The following OMA1 variants were observed in gnomAD, a reference collection of about 807,000 sequenced individuals.
OMA1 encodes metalloendopeptidase OMA1, mitochondrial.
OMA1 carries 38 observed loss-of-function variants against 30.9 expected under a neutral mutation model. That is an observed-to-expected ratio of 1.23 (90% CI 0.95 to 1.61). The LOEUF (loss-of-function observed/expected upper bound fraction) is 1.61, where lower values mean the gene tolerates loss of function less well. OMA1 is among the 40% of genes most tolerant of loss of function. The pLI, the probability that OMA1 is intolerant of heterozygous loss-of-function variation, is 0.00. For synonymous variants in OMA1, 173 were observed against 121.9 expected, an observed-to-expected ratio of 1.42 and a Z score of -2.76; for missense variants, 461 against 349.2, an observed-to-expected ratio of 1.32 and a Z score of -2.55.
At chr1:58,536,200 G>A (rs942519066) in intron 3 of OMA1, among the ~76,000 whole-genome samples, 1 of 152,160 alleles carries the variant, frequency 6.6e-6, no homozygotes, top group African/African-American at 2.4e-5. Flanking sequence ...CAGTCGGTAT[G>A]AAGGATACCT....
intron 8 of OMA1, among the ~76,000 whole-genome samples, chr1:58,504,281 A>G (rs1645952147): frequency 6.6e-6 from 1 of 152,102 alleles, no homozygotes; most frequent in Non-Finnish European, 1.5e-5. Context: ...TACTCCATTC[A>G]GCCCCAATGT....
intron 8 of OMA1, among the ~76,000 whole-genome samples, chr1:58,487,058 T>C (rs536830786): frequency 6.6e-5 from 10 of 152,314 alleles, no homozygotes; most frequent in East Asian, 5.8e-4. Flanking sequence ...TGGCTACATA[T>C]TGAAAATAGG....
chr1:58,502,844 A>T (rs1645927987), intron 8 of OMA1, among the ~76,000 whole-genome samples: 1 of 152,220 alleles, frequency 6.6e-6, no homozygotes, highest in African/African-American at 2.4e-5. Context: ...AATTGAATTT[A>T]ATCACTTGGG....
rs537643883 is a variant in OMA1 at position 58,507,512 on chromosome 1, C to T, written c.1216-1303G>A. Reference sequence around the variant, plus strand: ...TTTAAAGAAATATAATTCCTTAAGACCTCTGAGTATTCTAAGTTGAAAAGA... The same window carrying T: ...TTTAAAGAAATATAATTCCTTAAGATCTCTGAGTATTCTAAGTTGAAAAGA... On this transcript the variant is annotated intron_variant, in intron 7 of 8. Transcript: ENST00000371226. Among the ~76,000 whole-genome samples, 3 of 151,946 alleles carry T rather than the reference C, an allele frequency of 2.0e-5. No homozygotes were observed. The East Asian group carries it at 5.8e-4, about 29-fold the overall frequency.
At chr1:58,517,017 G>A (rs775857211) in intron 7 of OMA1, among the ~76,000 whole-genome samples, 4 of 152,116 alleles carry the variant, frequency 2.6e-5, no homozygotes, top group African/African-American at 7.2e-5. Flanking sequence ...AGAAGTCAAG[G>A]GAGTCTGATG....
At chr1:58,506,489 C>G (rs1220863077) in intron 7 of OMA1, among the ~76,000 whole-genome samples, 4 of 151,986 alleles carry the variant, frequency 2.6e-5, no homozygotes, top group Admixed American at 6.6e-5. Context: ...AGAACATGCC[C>G]ATTGCTTAGA....
intron 6 of OMA1, 97 bp from the exon 7 acceptor site, chr1:58,527,432 T>A: frequency 1.4e-6 from 1 of 695,752 alleles, no homozygotes; most frequent in Admixed American, 2.1e-5. Flanking sequence ...TCATGGAGTA[T>A]CTAGGATAAA....
At chr1:58,541,285 C>T (rs1237837642) in intron 1 of OMA1, among the ~76,000 whole-genome samples, 1 of 59,490 alleles carries the variant, frequency 1.7e-5, no homozygotes, top group Non-Finnish European at 2.9e-5. Flanking sequence ...CAGAGTGAGA[C>T]TCTGTCTCAA....
chr1:58,500,287 T>G (rs538292865), intron 8 of OMA1, among the ~76,000 whole-genome samples: 1 of 152,332 alleles, frequency 6.6e-6, no homozygotes, highest in South Asian at 2.1e-4. Context: ...ATATTTGCCT[T>G]TTCCTCAACA....
intron 7 of OMA1, among the ~76,000 whole-genome samples, chr1:58,508,343 T>C (rs1473435065): frequency 6.6e-6 from 1 of 152,168 alleles, no homozygotes; most frequent in Non-Finnish European, 1.5e-5. Context: ...ATCAGCAAGA[T>C]GGAAGAATAG....
chr1:58,532,626 C>T (rs1415678461), intron 5 of OMA1, among the ~76,000 whole-genome samples: 1 of 152,138 alleles, frequency 6.6e-6, no homozygotes, highest in Non-Finnish European at 1.5e-5. Flanking sequence ...CTCCCAGGCT[C>T]AAGCAATCCT....
At chr1:58,495,701 T>TA (rs5774412) in intron 8 of OMA1, among the ~76,000 whole-genome samples, 7,472 of 144,784 alleles carry the variant, frequency 0.052, 222 homozygotes, top group African/African-American at 0.065. Context: ...TCTTCCACCA[T>TA]AAAAAAAAAA....
chr1:58,510,823 A>G (rs1646064479), intron 7 of OMA1, among the ~76,000 whole-genome samples: 1 of 152,166 alleles, frequency 6.6e-6, no homozygotes, highest in African/African-American at 2.4e-5. Context: ...TGTTCTACAC[A>G]CTAACAACAA....
At chr1:58,487,850 TCTAA>T (rs1261911318) in intron 8 of OMA1, among the ~76,000 whole-genome samples, 14 of 152,158 alleles carry the variant, frequency 9.2e-5, no homozygotes, top group Admixed American at 6.5e-4. Context: ...ATTAACATTA[TCTAA>T]CTAAAAATAA....
intron 6 of OMA1, among the ~76,000 whole-genome samples, chr1:58,530,239 AAG>A: frequency 6.6e-6 from 1 of 152,210 alleles, no homozygotes; most frequent in Non-Finnish European, 1.5e-5. Flanking sequence ...TATCCACAAG[AAG>A]TCCTGTATAC....
At chr1:58,489,824 G>C (rs952131358) in intron 8 of OMA1, among the ~76,000 whole-genome samples, 1 of 152,170 alleles carries the variant, frequency 6.6e-6, no homozygotes, top group Non-Finnish European at 1.5e-5. Flanking sequence ...TGATATCCAG[G>C]CAAACAGGGT....
At chr1:58,513,502 C>T (rs1040873427) in intron 7 of OMA1, among the ~76,000 whole-genome samples, 11 of 152,164 alleles carry the variant, frequency 7.2e-5, no homozygotes, top group African/African-American at 2.7e-4. Flanking sequence ...AAGAATTAGA[C>T]TCTAGGTAAC....
At chr1:58,487,202 AT>A (rs767191604) in intron 8 of OMA1, among the ~76,000 whole-genome samples, 3 of 152,206 alleles carry the variant, frequency 2.0e-5, no homozygotes, top group Non-Finnish European at 2.9e-5. Flanking sequence ...AAGCCCACAG[AT>A]TCTTAATGTA....
chr1:58,532,015 A>G (rs1847351), intron 5 of OMA1, among the ~76,000 whole-genome samples: 17,671 of 152,072 alleles, frequency 0.12, 1,224 homozygotes, highest in African/African-American at 0.18. Flanking sequence ...CCCAATTATG[A>G]AATTATTTTA....
Sources: allele counts gnomAD v4.1 joint callset (sites outside exome capture counted in the v4.1 genomes callset), GRCh38; gene constraint gnomAD v4.1.1; transcripts MANE v1.5; gene names NCBI Gene and HGNC (gene_info 2026-07-23, HGNC 2026-07-21).